The following DSE variants were observed in gnomAD, a reference collection of about 807,000 sequenced individuals.
The protein encoded by DSE is dermatan-sulfate epimerase.
A neutral mutation model predicts 84.4 loss-of-function variants in DSE; 36 were observed. That is an observed-to-expected ratio of 0.43 (90% confidence interval 0.33 to 0.56). The LOEUF is 0.56. Ranked by LOEUF, DSE falls within the 20% of genes least tolerant of loss-of-function variation. The probability of loss-of-function intolerance (pLI) is 0.06; values close to 1 mark genes in which losing one functional copy is unlikely to be tolerated. For synonymous variants in DSE, 410 were observed against 430.1 expected, an observed-to-expected ratio of 0.95 and a Z score of 0.58; for missense variants, 862 against 1,169.6, an observed-to-expected ratio of 0.74 and a Z score of 3.84.
intron 1 of DSE, chr6:116,254,838 A>G (rs1324319701): frequency 2.0e-5 from 3 of 152,602 alleles, no homozygotes; most frequent in Admixed American, 2.0e-4. Flanking sequence ...TCTTTTCCTC[A>G]GGTTACAATC....
At chr6:116,402,127 C>T (rs1037654018) in intron 2 of DSE, among the ~76,000 whole-genome samples, 1 of 152,020 alleles carries the variant, frequency 6.6e-6, no homozygotes, top group Admixed American at 6.5e-5. Context: ...AAGAAATAGC[C>T]CAGTAATTTT....
chr6:116,329,951 G>A (rs1232498507), intron 2 of DSE, among the ~76,000 whole-genome samples: 2 of 152,146 alleles, frequency 1.3e-5, no homozygotes, highest in African/African-American at 2.4e-5. Flanking sequence ...AGCCTCCCGG[G>A]TAGCTGGGAT....
At chr6:116,382,002 C>T (rs1200048924) in intron 1 of DSE, among the ~76,000 whole-genome samples, 1 of 150,304 alleles carries the variant, frequency 6.7e-6, no homozygotes, top group Non-Finnish European at 1.5e-5. Flanking sequence ...GTAGATGCTT[C>T]ACTCCAATCT....
chr6:116,370,862 C>G (rs996183766), upstream of DSE: 7 of 985,692 alleles, frequency 7.1e-6, no homozygotes, highest in African/African-American at 1.7e-5. Flanking sequence ...GTTTCCTCCC[C>G]CCTCCAGCGG....
intron 2 of DSE, among the ~76,000 whole-genome samples, chr6:116,353,617 A>G (rs1778433965): frequency 6.6e-6 from 1 of 152,174 alleles, no homozygotes; most frequent in Admixed American, 6.5e-5. Flanking sequence ...TGAGGCATTG[A>G]TATTCCCAGA....
intron 4 of DSE, among the ~76,000 whole-genome samples, chr6:116,431,823 C>T (rs1265718725): frequency 6.6e-6 from 1 of 151,996 alleles, no homozygotes; most frequent in Non-Finnish European, 1.5e-5. Context: ...TATTCATTTC[C>T]AGAGAACTTT....
At chr6:116,291,065 A>T (rs1157086450) in intron 2 of DSE, among the ~76,000 whole-genome samples, 2 of 152,178 alleles carry the variant, frequency 1.3e-5, no homozygotes, top group African/African-American at 4.8e-5. Flanking sequence ...ACATTTGTTG[A>T]GGTTTATGCA....
At chr6:116,290,704 G>A (rs1774223881) in intron 2 of DSE, among the ~76,000 whole-genome samples, 1 of 152,134 alleles carries the variant, frequency 6.6e-6, no homozygotes. Flanking sequence ...CTCATCCTGA[G>A]AAGAGACAAT....
intron 2 of DSE, among the ~76,000 whole-genome samples, chr6:116,282,742 GTTATGA>G: frequency 6.6e-6 from 1 of 152,204 alleles, no homozygotes; most frequent in East Asian, 1.9e-4. Flanking sequence ...GAAAGCTCAG[GTTATGA>G]TTGCTTTCGG....
intron 2 of DSE, among the ~76,000 whole-genome samples, chr6:116,297,522 T>C (rs1774743632): frequency 6.6e-6 from 1 of 152,200 alleles, no homozygotes; most frequent in African/African-American, 2.4e-5. Flanking sequence ...CTAATTTTAG[T>C]GAATTCTAAG....
At chr6:116,281,335 A>C (rs1430579734) in intron 2 of DSE, among the ~76,000 whole-genome samples, 4 of 152,240 alleles carry the variant, frequency 2.6e-5, no homozygotes, top group Non-Finnish European at 5.9e-5. Context: ...TATTACCTCT[A>C]AACTCCAGCA....
chr6:116,289,908 T>C (rs1189091775), intron 2 of DSE, among the ~76,000 whole-genome samples: 1 of 152,120 alleles, frequency 6.6e-6, no homozygotes, highest in Admixed American at 6.6e-5. Context: ...CAGGTTGATT[T>C]GAAAAATACC....
intron 2 of DSE, among the ~76,000 whole-genome samples, chr6:116,305,697 G>C (rs1462037356): frequency 2.0e-5 from 3 of 152,084 alleles, no homozygotes; most frequent in African/African-American, 7.2e-5. Context: ...GAGTGCAATG[G>C]CGTAATCTTG....
In DSE at chr6:116,326,265, C is replaced by T. The variant is rs12195680; in HGVS notation, c.-54+67298C>T. ...TCCTAGAGGAGCTCAGAGGGGAGGA[C>T]GGCGGGAGTCCTAAGGAGTCATAGC... is the stretch of plus-strand genomic sequence containing the variant. On this transcript the variant is annotated intron_variant, in intron 2 of 3. Coordinates refer to the DSE transcript ENST00000430252. Among the ~76,000 whole-genome samples the T allele has an allele frequency of 3.3e-4, 50 of 151,966 alleles. 1 individual carries two copies. The highest frequency in any genetic ancestry group is 2.5e-3 in the Admixed American group (38 of 15,274).
At position 116,444,721 on chromosome 6, in the gene DSE, A is replaced by G. The variant is rs1347026833; in HGVS notation, c.*7376A>G. ...CCAGAGAGGTCCCTTGTCCCTTCCA[A>G]CATGTGAGGCTACAGTGAAAAGATG... is the stretch of plus-strand genomic sequence containing the variant. On this transcript the variant is annotated 3_prime_UTR_variant, in exon 6 of 6. Coordinates refer to ENST00000644252, the MANE Select transcript of DSE (RefSeq NM_013352.4). The G allele has an allele frequency of 6.6e-6, 1 of 152,184 alleles. No homozygotes were observed. The highest frequency in any genetic ancestry group is 2.4e-5 in the African/African-American group (1 of 41,422). 9.4% of individuals were successfully genotyped at this position (152,184 alleles called of 1,614,324 possible).
At chr6:116,401,569 G>A (rs1411953947) in intron 2 of DSE, among the ~76,000 whole-genome samples, 1 of 152,030 alleles carries the variant, frequency 6.6e-6, no homozygotes, top group Non-Finnish European at 1.5e-5. Flanking sequence ...TTTTGTTTTG[G>A]CAGGTACTAT....
chr6:116,443,227 A>G lies in DSE; in HGVS notation c.*5882A>G, dbSNP rs1303817605. ...AAAATGTGTGGCCAAAGGAATGAAT[A>G]TTTTGTGGAAGTATTGATCAGAAAG... On this transcript the variant is annotated 3_prime_UTR_variant, in exon 6 of 6. Coordinates refer to ENST00000644252, the MANE Select transcript of DSE (RefSeq NM_013352.4). The G allele has an allele frequency of 6.6e-6, 1 of 152,202 alleles. No individual in the cohort carries two copies. Among genetic ancestry groups the G allele is most frequent in the Admixed American group, 6.5e-5 (1 of 15,280 alleles). The allele number at this position is 152,202 out of a possible 1,614,324, so 9.4% of individuals were successfully genotyped here.
At chr6:116,321,722 C>T (rs963874900) in intron 2 of DSE, among the ~76,000 whole-genome samples, 1 of 152,028 alleles carries the variant, frequency 6.6e-6, no homozygotes, top group Non-Finnish European at 1.5e-5. Flanking sequence ...TGCAGTGAGC[C>T]GAGATCGCGC....
In DSE at chr6:116,333,977, C is replaced by G. The variant is rs767732776; in HGVS notation, c.-53-65221C>G. 4.4e-4 allele frequency among the ~76,000 whole-genome samples: 67 copies of G among 152,136 alleles called. 1 individual carries two copies. The highest frequency in any genetic ancestry group is 4.4e-3 in the Admixed American group (67 of 15,270). On this transcript the variant is annotated intron_variant, in intron 2 of 3. Coordinates refer to the DSE transcript ENST00000430252. Reference sequence around the variant, plus strand: ...ACAGAGCAAGAACCCCTCTCAAAAACAACCCTCCAAAATATTGCAATATGT... The same window carrying G: ...ACAGAGCAAGAACCCCTCTCAAAAAGAACCCTCCAAAATATTGCAATATGT...
Sources: gnomAD v4.1 joint callset for allele counts (sites outside exome capture counted in the v4.1 genomes callset) on GRCh38, gnomAD v4.1.1 for gene constraint, MANE v1.5 for transcripts, NCBI Gene and HGNC (gene_info 2026-07-23, HGNC 2026-07-21) for gene names.